Variants in SYT17 observed in about 807,000 individuals in gnomAD.
SYT17 encodes synaptotagmin 17.
Under a neutral mutation model 46.7 loss-of-function variants are expected in SYT17, and 22 were observed. That is an observed-to-expected ratio of 0.47 (90% CI 0.34 to 0.67). The LOEUF is 0.67. SYT17 is among the 30% of genes least tolerant of loss of function. SYT17 has a pLI of 0.01. For missense variants in SYT17, 519 were observed against 612.8 expected (o/e 0.85, Z 1.62); for synonymous variants, 251 against 248.4 (o/e 1.01, Z -0.10).
At chr16:19,202,303 A>G (rs1965498509) in intron 5 of SYT17, among the ~76,000 whole-genome samples, 1 of 152,204 alleles carries the variant, frequency 6.6e-6, no homozygotes, top group African/African-American at 2.4e-5. Context: ...AAAGGCTCAC[A>G]GAACTCAGGA....
At chr16:19,243,818 TCAAAA>T (rs1432113402) in intron 7 of SYT17, among the ~76,000 whole-genome samples, 1,001 of 21,366 alleles carry the variant, frequency 0.047, 19 homozygotes, top group African/African-American at 0.098. Flanking sequence ...AAAAACTCCA[TCAAAA>T]AAAAAAAAAA....
At chr16:19,176,979 C>G (rs74011525) in intron 3 of SYT17, among the ~76,000 whole-genome samples, 1 of 152,034 alleles carries the variant, frequency 6.6e-6, no homozygotes, top group Admixed American at 6.6e-5. Flanking sequence ...GGATTTTCTT[C>G]GATACCAGCG....
intron 5 of SYT17, among the ~76,000 whole-genome samples, chr16:19,189,602 G>A (rs1227503876): frequency 1.3e-5 from 2 of 152,236 alleles, no homozygotes; most frequent in East Asian, 3.9e-4. Context: ...CTCCTGCCTT[G>A]GGGGCCTCAA....
intron 7 of SYT17, among the ~76,000 whole-genome samples, chr16:19,239,229 A>G (rs1325009875): frequency 6.6e-6 from 1 of 152,098 alleles, no homozygotes; most frequent in African/African-American, 2.4e-5. Flanking sequence ...GTGAGCTATA[A>G]TCATACCACT....
Position 19,168,502 on chromosome 16 carries a change from C to G in SYT17, c.-145C>G. On this transcript the variant is annotated 5_prime_UTR_variant, in exon 1 of 8. Transcript: ENST00000355377. This position sits in a 1 kb window ranked among gnomAD's most constrained non-coding sequence, Gnocchi z 6.9. ...GGCCGGCGGAGGGGCGGGCGCCGCT[C>G]ATCAGCCACGCCAGTCACGTCTGGG... is the stretch of plus-strand genomic sequence containing the variant. The G allele has an allele frequency of 8.8e-7, 1 of 1,140,562 alleles. No homozygotes were observed. Among genetic ancestry groups the G allele is most frequent in the South Asian group, 1.5e-5 (1 of 66,974 alleles). 70.7% of individuals were successfully genotyped at this position (1,140,562 alleles called of 1,614,324 possible).
intron 5 of SYT17, among the ~76,000 whole-genome samples, chr16:19,214,122 C>A (rs1304213564): frequency 6.6e-6 from 1 of 152,148 alleles, no homozygotes; most frequent in Non-Finnish European, 1.5e-5. Context: ...CCAGATGTTG[C>A]CAAATGTCCC....
At chr16:19,256,824 C>T (rs1968608580) in intron 7 of SYT17, among the ~76,000 whole-genome samples, 1 of 152,220 alleles carries the variant, frequency 6.6e-6, no homozygotes, top group Non-Finnish European at 1.5e-5. Flanking sequence ...GCGATCCTCC[C>T]ACCTTGGCCT....
intron 3 of SYT17, among the ~76,000 whole-genome samples, chr16:19,176,250 G>A (rs759199846): frequency 4.2e-4 from 64 of 152,210 alleles, no homozygotes; most frequent in African/African-American, 1.2e-3. Context: ...CATAAAAAAC[G>A]AACAAACAAA....
intron 4 of SYT17, among the ~76,000 whole-genome samples, chr16:19,182,134 G>T (rs1231028361): frequency 6.7e-6 from 1 of 148,358 alleles, no homozygotes; most frequent in East Asian, 2.1e-4. Flanking sequence ...AATTTTGCAG[G>T]CTGGGCGCGG....
At chr16:19,232,752 G>A (rs1461628024) in intron 7 of SYT17, among the ~76,000 whole-genome samples, 1 of 152,034 alleles carries the variant, frequency 6.6e-6, no homozygotes, top group Non-Finnish European at 1.5e-5. Context: ...GATTGCTTGA[G>A]CCTTGGGAGG....
intron 7 of SYT17, among the ~76,000 whole-genome samples, chr16:19,246,012 AT>A (rs71375626): frequency 3.1e-4 from 45 of 147,308 alleles, no homozygotes; most frequent in Admixed American, 5.4e-4. Context: ...TTATTTATTT[AT>A]TTTTTTTTTT....
At chr16:19,189,327 C>T (rs917875835) in intron 5 of SYT17, among the ~76,000 whole-genome samples, 1 of 150,360 alleles carries the variant, frequency 6.7e-6, no homozygotes, top group Non-Finnish European at 1.5e-5. Flanking sequence ...GGGGTTAGGA[C>T]CTCAACCTGT....
intron 7 of SYT17, among the ~76,000 whole-genome samples, chr16:19,230,990 A>G (rs6497336): frequency 0.61 from 92,925 of 152,080 alleles, 29,341 homozygotes; most frequent in East Asian, 0.8. Context: ...GGCTACATAT[A>G]TATACATAAA....
chr16:19,191,971 A>G (rs910477434), intron 5 of SYT17, among the ~76,000 whole-genome samples: 4 of 152,052 alleles, frequency 2.6e-5, no homozygotes, highest in African/African-American at 9.7e-5. Context: ...TTTTTAGTAG[A>G]GATGGGGTTT....
At chr16:19,213,267 G>A (rs1965973559) in intron 5 of SYT17, among the ~76,000 whole-genome samples, 1 of 152,212 alleles carries the variant, frequency 6.6e-6, no homozygotes, top group Non-Finnish European at 1.5e-5. Flanking sequence ...GCTTGTCCCT[G>A]CTACTGTGTC....
intron 3 of SYT17, among the ~76,000 whole-genome samples, chr16:19,179,712 C>T (rs1408766065): frequency 6.6e-6 from 1 of 152,156 alleles, no homozygotes; most frequent in Non-Finnish European, 1.5e-5. Flanking sequence ...AGGGTTCAGC[C>T]CCAGCGGTTC....
In SYT17 at chr16:19,266,298, C is replaced by T. The variant is rs559440264; in HGVS notation, c.1229-582C>T. ...CTCCGCAGGGGCCATTTGGCCATGTCCGAAGACATTTGGGGTTGTCACAGC... is the reference window on the plus strand; with the variant it reads ...CTCCGCAGGGGCCATTTGGCCATGTTCGAAGACATTTGGGGTTGTCACAGC... On this transcript the variant is annotated intron_variant, in intron 7 of 7. Coordinates refer to ENST00000355377, the MANE Select transcript of SYT17 (RefSeq NM_016524.4). Among the ~76,000 whole-genome samples, 6 of 152,334 alleles carry T rather than the reference C, an allele frequency of 3.9e-5. No homozygotes were observed. In the East Asian group the frequency reaches 1.2e-3, roughly 29 times the overall value.
At chr16:19,263,306 T>C (rs940198664) in intron 7 of SYT17, among the ~76,000 whole-genome samples, 13 of 152,148 alleles carry the variant, frequency 8.5e-5, no homozygotes, top group Non-Finnish European at 1.8e-4. Flanking sequence ...CTGCCTATTC[T>C]GGACATTTCA....
intron 7 of SYT17, chr16:19,249,928 CTT>C: frequency 6.5e-7 from 1 of 1,535,110 alleles, no homozygotes; most frequent in Non-Finnish European, 8.7e-7. Flanking sequence ...ACCAAGTCCT[CTT>C]TTTGCTCTAG....
Sources: gnomAD v4.1 joint callset for allele counts (sites outside exome capture counted in the v4.1 genomes callset) on GRCh38, gnomAD v4.1.1 for gene constraint, Gnocchi (gnomAD v3.1) non-coding constraint, MANE v1.5 for transcripts, NCBI Gene and HGNC (gene_info 2026-07-23, HGNC 2026-07-21) for gene names.